PRL: variants seen among roughly 807,000 people sequenced by gnomAD.
The protein encoded by PRL is decidual prolactin.
Under a neutral mutation model 21.3 loss-of-function variants are expected in PRL, and 24 were observed. That is an observed-to-expected ratio of 1.13 (90% CI 0.82 to 1.59). PRL has a LOEUF of 1.59. Ranked by LOEUF, PRL falls within the 40% of genes most tolerant of loss-of-function variation. PRL has a pLI of 0.00. For synonymous variants in PRL, 118 were observed against 115.7 expected, an observed-to-expected ratio of 1.02 and a Z score of -0.13; for missense variants, 243 against 286.9, an observed-to-expected ratio of 0.85 and a Z score of 1.10.
chr6:22,296,177 ACATTTAG>A (rs1341086243), intron 1 of PRL, among the ~76,000 whole-genome samples: 1 of 152,230 alleles, frequency 6.6e-6, no homozygotes, highest in Non-Finnish European at 1.5e-5. Flanking sequence ...ATTTATCTGC[ACATTTAG>A]CATGGAAAGG....
At chr6:22,292,793 T>G (rs1761081590) in intron 2 of PRL, 148 bp from the exon 3 acceptor site, 1 of 642,888 alleles carries the variant, frequency 1.6e-6, no homozygotes. Context: ...ATTAAGAAAG[T>G]AACCCTTTCG....
chr6:22,295,285 G>C (rs1761150782), intron 1 of PRL, among the ~76,000 whole-genome samples: 1 of 152,184 alleles, frequency 6.6e-6, no homozygotes, highest in African/African-American at 2.4e-5. Flanking sequence ...TGATGAAACA[G>C]ATGGCTTAGG....
At chr6:22,299,107 T>A (rs1039343080), upstream of PRL, among the ~76,000 whole-genome samples, 3 of 152,264 alleles carry the variant, frequency 2.0e-5, no homozygotes, top group Non-Finnish European at 2.9e-5. Context: ...CTGCTATGCA[T>A]GTTACCCCCT....
chr6:22,290,283 G>C lies in PRL; in HGVS notation c.383C>G (p.Thr128Arg), dbSNP rs765096729. 1.9e-6 allele frequency: 3 copies of C among 1,611,904 alleles called. No individual in the cohort carries two copies. The highest frequency in any genetic ancestry group is 1.1e-5 in the South Asian group (1 of 90,792). Residue 128 changes from threonine to arginine, a missense_variant, in exon 4 of 5, where the codon ACG becomes AGG. Coordinates refer to ENST00000306482, the MANE Select transcript of PRL (RefSeq NM_000948.6). ...SWNEPLYHLV[T>R]EVRGMQEAPE... ...GGCTTCTTGCATACCACGTACTTCC[G>C]TGACCAGATGATACAGAGGCTCATT...
chr6:22,295,245 T>C (rs1447323392), intron 1 of PRL, among the ~76,000 whole-genome samples: 2 of 152,202 alleles, frequency 1.3e-5, no homozygotes, highest in African/African-American at 4.8e-5. Context: ...TGAGATACAC[T>C]GGGCCTTTGT....
intron 2 of PRL, 46 bp from the exon 3 acceptor site, chr6:22,292,691 T>G: frequency 3.3e-6 from 5 of 1,510,076 alleles, no homozygotes; most frequent in Non-Finnish European, 4.6e-6. Flanking sequence ...TGTTTGGGCA[T>G]TGAATAAATG....
At chr6:22,298,286 G>A (rs1045648772), upstream of PRL, among the ~76,000 whole-genome samples, 1 of 152,118 alleles carries the variant, frequency 6.6e-6, no homozygotes, top group Non-Finnish European at 1.5e-5. Context: ...TCACCTTTTG[G>A]AAATTTCCTA....
chr6:22,290,312 G>A lies in PRL; in HGVS notation c.354C>T (p.Ser118=). 6.2e-7 allele frequency: 1 copy of A among 1,608,120 alleles called. No individual in the cohort carries two copies. The change falls in exon 4 of 5, where the codon TCC becomes TCT. Residue 118 remains serine (S), a synonymous_variant. Coordinates refer to ENST00000306482, the MANE Select transcript of PRL (RefSeq NM_000948.6). ...FLSLIVSILR[S]WNEPLYHLVT... is the part of the protein sequence containing the mutation. ...CCAGATGATACAGAGGCTCATTCCA[G>A]GATCGCAATATGCTGACTATCAGGC...
intron 4 of PRL, among the ~76,000 whole-genome samples, chr6:22,289,844 A>T (rs760345625): frequency 5.9e-5 from 9 of 152,120 alleles, no homozygotes; most frequent in Non-Finnish European, 1.0e-4. Flanking sequence ...GTGTCCTGGG[A>T]TACCCTGCAG....
Position 22,291,580 on chromosome 6 carries a change from T to G in PRL, c.312+958A>C, listed in dbSNP as rs190405455. On this transcript the variant is annotated intron_variant, in intron 3 of 4. Coordinates refer to ENST00000306482, the MANE Select transcript of PRL (RefSeq NM_000948.6). The stretch of plus-strand genomic sequence containing the variant: ...AGCATCATGTAGGTGCTCAAAAAAC[T>G]TAGGATTCTTCAGTATTTGGGATTT... Among the ~76,000 whole-genome samples the G allele has an allele frequency of 1.7e-3, 266 of 152,268 alleles. 1 individual carries two copies. In the Middle Eastern group the frequency reaches 0.024, roughly 14 times the overall value.
chr6:22,287,720 G>T, intron 4 of PRL, 127 bp from the exon 5 acceptor site: 1 of 844,948 alleles, frequency 1.2e-6, no homozygotes. Context: ...CAAAGGCAAT[G>T]ATTTTTGTAT....
upstream of PRL, among the ~76,000 whole-genome samples, chr6:22,301,503 A>G (rs1227460324): frequency 4.6e-5 from 7 of 152,158 alleles, no homozygotes; most frequent in Non-Finnish European, 1.0e-4. Flanking sequence ...TTGGAAAGTC[A>G]GGGAAGTGAG....
chr6:22,299,031 T>C (rs1030011012), upstream of PRL, among the ~76,000 whole-genome samples: 2 of 152,202 alleles, frequency 1.3e-5, no homozygotes, highest in African/African-American at 4.8e-5. Flanking sequence ...GAATGGAATA[T>C]TGAAATATAT....
chr6:22,301,390 C>A (rs1021982148), upstream of PRL, among the ~76,000 whole-genome samples: 2 of 151,990 alleles, frequency 1.3e-5, no homozygotes, highest in African/African-American at 4.8e-5. Flanking sequence ...TGCCTGAGGC[C>A]CCCTGAAATG....
upstream of PRL, among the ~76,000 whole-genome samples, chr6:22,298,842 C>G (rs532527902): frequency 6.6e-6 from 1 of 152,132 alleles, no homozygotes; most frequent in South Asian, 2.1e-4. Flanking sequence ...ACAACTTAAT[C>G]TTAAAATTTA....
In PRL at chr6:22,288,901, T is replaced by TGC. The variant is rs112442044; in HGVS notation, c.492+1271_492+1272dup. On this transcript the variant is annotated intron_variant, in intron 4 of 4. Coordinates refer to ENST00000306482, the MANE Select transcript of PRL (RefSeq NM_000948.6). The surrounding 1 kb of genome is among the most constrained non-coding windows in gnomAD (Gnocchi z 4.5). ...GCGCGTGCGCGTGTGTGTGCGTGTG[T>TGC]GCGCGCGCGTGTGTGTGCGTGCGCG... Among the ~76,000 whole-genome samples, 23 of 149,664 alleles carry TGC rather than the reference T, an allele frequency of 1.5e-4. No homozygotes were observed. The highest frequency in any genetic ancestry group is 5.3e-4 in the African/African-American group (21 of 39,374).
rs754631456 is a variant in PRL at position 22,290,299 on chromosome 6, G to C, written c.367C>G (p.Leu123Val). The change falls in exon 4 of 5, where the codon CTG (leucine) becomes GTG (valine). Residue 123 changes from leucine to valine, a missense_variant. By Grantham distance (32) the Leu-to-Val change is conservative. Transcript: ENST00000306482. The stretch of plus-strand genomic sequence containing the variant: ...CGTACTTCCGTGACCAGATGATACA[G>C]AGGCTCATTCCAGGATCGCAATATG... ...VSILRSWNEP[L>V]YHLVTEVRGM... 5 of 1,610,516 alleles carry C rather than the reference G, an allele frequency of 3.1e-6. No homozygotes were observed.
rs946610716 is a variant in PRL at position 22,288,238 on chromosome 6, T to C, written c.493-645A>G. On this transcript the variant is annotated intron_variant, in intron 4 of 4. Transcript: ENST00000306482. This position sits in a 1 kb window ranked among gnomAD's most constrained non-coding sequence, Gnocchi z 4.5. ...GCTGGGAGGTGCCGGGAAAAGCACC[T>C]ACAAGGAAAGGGTACAGGCCGGGTG... Among the ~76,000 whole-genome samples, 20 of 152,050 alleles carry C rather than the reference T, an allele frequency of 1.3e-4. No individual in the cohort carries two copies. The highest frequency in any genetic ancestry group is 2.1e-4 in the South Asian group (1 of 4,828).
rs1561752940 is a variant in PRL at position 22,288,661 on chromosome 6, C to G, written c.493-1068G>C. 3.3e-5 allele frequency among the ~76,000 whole-genome samples: 5 copies of G among 152,260 alleles called. No homozygotes were observed. On this transcript the variant is annotated intron_variant, in intron 4 of 4. Coordinates refer to ENST00000306482, the MANE Select transcript of PRL (RefSeq NM_000948.6). The surrounding 1 kb of genome is among the most constrained non-coding windows in gnomAD (Gnocchi z 4.5). ...GCACAACAGAGGGCATGCTATGTTT[C>G]TTCACACTCTATAAGCCTTTGCAAA...
Sources: gnomAD v4.1 joint callset for allele counts (sites outside exome capture counted in the v4.1 genomes callset) on GRCh38, gnomAD v4.1.1 for gene constraint, Gnocchi (gnomAD v3.1) non-coding constraint, MANE v1.5 for transcripts, NCBI Gene and HGNC (gene_info 2026-07-23, HGNC 2026-07-21) for gene names.